Variants in GPNMB observed in about 807,000 individuals in gnomAD.
GPNMB encodes transmembrane glycoprotein NMB.
A neutral mutation model predicts 57.3 loss-of-function variants in GPNMB; 71 were observed. The observed-to-expected ratio is 1.24, with a 90% CI of 1.02 to 1.51. The LOEUF (loss-of-function observed/expected upper bound fraction) is 1.51. Among genes scored for constraint, GPNMB ranks in the 40% most tolerant of loss-of-function variants. The probability of loss-of-function intolerance (pLI) is 0.00; values close to 1 mark genes in which losing one functional copy is unlikely to be tolerated. For missense variants in GPNMB, 677 were observed against 691.9 expected, an observed-to-expected ratio of 0.98 and a Z score of 0.24; for synonymous variants, 253 against 263.2, an observed-to-expected ratio of 0.96 and a Z score of 0.38.
chr7:23,260,444 T>C lies in GPNMB; in HGVS notation c.701-12T>C. 2.5e-6 allele frequency: 4 copies of C among 1,588,958 alleles called. No homozygotes were observed. Among genetic ancestry groups the C allele is most frequent in the Non-Finnish European group, 2.6e-6 (3 of 1,162,566 alleles). ...ATGCATTCTTTATTTCTTTGGGGGA[T>C]GTATCTTTTAGATCAGATTCCTGTG... On this transcript the variant is annotated splice_polypyrimidine_tract_variant and intron_variant, in intron 5 of 10. Coordinates refer to ENST00000258733, the MANE Select transcript of GPNMB (RefSeq NM_002510.3).
intron 1 of GPNMB, 60 bp downstream of exon 1, chr7:23,246,987 C>CTAA: frequency 8.4e-7 from 1 of 1,184,482 alleles, no homozygotes; most frequent in Admixed American, 1.7e-5. Flanking sequence ...GAAATGATGG[C>CTAA]TAATAATATC....
Position 23,266,955 on chromosome 7 carries a change from G to A in GPNMB, c.1117+340G>A, listed in dbSNP as rs1435778741. Among the ~76,000 whole-genome samples, 4 of 152,208 alleles carry A rather than the reference G, an allele frequency of 2.6e-5. No homozygotes were observed. In the East Asian group the frequency reaches 7.7e-4, roughly 29 times the overall value. Reference sequence around the variant, plus strand: ...GCATCGAGTTCCTACAACTTCCACTGTCTTCCCCTAGTTAATTTTCACAAA... The same window carrying A: ...GCATCGAGTTCCTACAACTTCCACTATCTTCCCCTAGTTAATTTTCACAAA... On this transcript the variant is annotated intron_variant, in intron 7 of 10. Transcript: ENST00000258733.
rs1177347830 is a variant in GPNMB, at chr7:23,246,865, GTC to G, written c.12_13del (p.Tyr5LeufsTer15). ...CGTCCGTGAGAATTCAGCATGGAATGTCTCTACTATTTCCTGGGATTTCTGCT... is the reference window on the plus strand; with the variant it reads ...CGTCCGTGAGAATTCAGCATGGAATGTCTACTATTTCCTGGGATTTCTGCT... On this transcript the variant is annotated frameshift_variant, in exon 1 of 11. Transcript: ENST00000258733. LOFTEE classifies it high-confidence loss of function. 1 of 1,613,510 alleles carries G rather than the reference GTC, an allele frequency of 6.2e-7. No homozygotes were observed. Among genetic ancestry groups the G allele is most frequent in the Non-Finnish European group, 8.5e-7 (1 of 1,179,440 alleles).
intron 6 of GPNMB, among the ~76,000 whole-genome samples, chr7:23,263,536 T>G (rs1353075047): frequency 6.9e-6 from 1 of 145,862 alleles, no homozygotes; most frequent in Non-Finnish European, 1.5e-5. Context: ...CGCTTGAACC[T>G]GGGAGGTGGA....
intron 6 of GPNMB, among the ~76,000 whole-genome samples, chr7:23,265,378 G>A (rs890571970): frequency 2.6e-5 from 4 of 152,176 alleles, no homozygotes; most frequent in African/African-American, 9.7e-5. Flanking sequence ...AAAGAAGATT[G>A]TATTTTCAGT....
chr7:23,266,404 T>C, intron 6 of GPNMB, 113 bp from the exon 7 acceptor site: 4 of 996,346 alleles, frequency 4.0e-6, no homozygotes, highest in Non-Finnish European at 6.1e-6. Flanking sequence ...AGTATAGTGT[T>C]CCTGATATTT....
intron 1 of GPNMB, chr7:23,247,214 T>C (rs934213245): frequency 9.3e-6 from 4 of 428,822 alleles, no homozygotes; most frequent in African/African-American, 6.1e-5. Flanking sequence ...CAGACAGTGG[T>C]TGGGGGAGGG....
intron 6 of GPNMB, among the ~76,000 whole-genome samples, chr7:23,264,009 A>G (rs1782995489): frequency 6.6e-6 from 1 of 151,732 alleles, no homozygotes; most frequent in Non-Finnish European, 1.5e-5. Context: ...CTGAGGGCAG[A>G]TGCATGTGTG....
chr7:23,263,170 T>G (rs953750192), intron 6 of GPNMB, among the ~76,000 whole-genome samples: 2 of 152,224 alleles, frequency 1.3e-5, no homozygotes, highest in Admixed American at 6.5e-5. Context: ...TGTTTAATGT[T>G]AGTCTACTTT....
At position 23,252,538 on chromosome 7, in the gene GPNMB, G is replaced by C. The variant is rs1005693911; in HGVS notation, c.71-769G>C. Among the ~76,000 whole-genome samples the C allele has an allele frequency of 3.9e-5, 6 of 152,262 alleles. No homozygotes were observed. In the East Asian group the frequency reaches 1.2e-3, roughly 29 times the overall value. ...AGAGCATCAATTCTTATTGAGAAAA[G>C]GGTCAGTTCATCAAGAAGCTGTAAC... On this transcript the variant is annotated intron_variant, in intron 1 of 10. Transcript: ENST00000258733.
In GPNMB at chr7:23,257,077, C is replaced by G; in HGVS notation, c.541+12C>G. ...CTTCCACACACTTGGTTGGCTTTTA[C>G]AAACCCCTAAGCTTCTTCTTTACCT... On this transcript the variant is annotated intron_variant, in intron 4 of 10. Coordinates refer to ENST00000258733, the MANE Select transcript of GPNMB (RefSeq NM_002510.3). 1 of 1,608,978 alleles carries G rather than the reference C, an allele frequency of 6.2e-7. No individual in the cohort carries two copies. Among genetic ancestry groups the G allele is most frequent in the Non-Finnish European group, 8.5e-7 (1 of 1,175,236 alleles).
intron 3 of GPNMB, 77 bp downstream of exon 3, chr7:23,254,389 G>T: frequency 8.5e-7 from 1 of 1,179,546 alleles, no homozygotes. Context: ...TTCTGTAAGT[G>T]CCAGATGCTG....
intron 1 of GPNMB, 184 bp downstream of exon 1, chr7:23,247,111 T>G (rs955900243): frequency 6.6e-6 from 4 of 608,692 alleles, no homozygotes; most frequent in Non-Finnish European, 1.2e-5. Context: ...TGCCTCCAGC[T>G]CCATTCTTTG....
chr7:23,255,902 C>CT (rs112815710), intron 3 of GPNMB, among the ~76,000 whole-genome samples: 5,042 of 149,310 alleles, frequency 0.034, 233 homozygotes, highest in East Asian at 0.12. Flanking sequence ...AAATCTTTCT[C>CT]TTTTTTTTTT....
chr7:23,273,285 T>C, intron 9 of GPNMB: 1 of 474,588 alleles, frequency 2.1e-6, no homozygotes, highest in Middle Eastern at 5.6e-4. Context: ...CTCCAGGACG[T>C]GACATCTCTC....
intron 9 of GPNMB, 51 bp downstream of exon 9, chr7:23,270,226 T>C: frequency 7.9e-7 from 1 of 1,260,692 alleles, no homozygotes; most frequent in Non-Finnish European, 1.2e-6. Flanking sequence ...AAGTAAAGTG[T>C]GTATCCCATA....
chr7:23,272,093 A>G (rs1188978563), intron 9 of GPNMB, among the ~76,000 whole-genome samples: 1 of 152,184 alleles, frequency 6.6e-6, no homozygotes, highest in Non-Finnish European at 1.5e-5. Flanking sequence ...CCAAGTGGCC[A>G]TGGACTCGGA....
chr7:23,273,349 A>G (rs555247986), intron 9 of GPNMB, 172 bp from the exon 10 acceptor site: 1 of 582,736 alleles, frequency 1.7e-6, no homozygotes, highest in Admixed American at 3.2e-5. Context: ...TCTAAATAGA[A>G]GATAAGCTGA....
intron 3 of GPNMB, 36 bp downstream of exon 3, chr7:23,254,348 C>T: frequency 1.3e-6 from 2 of 1,570,718 alleles, no homozygotes; most frequent in Non-Finnish European, 1.7e-6. Context: ...TACTGGAGAC[C>T]CAGTTTCTAA....
Sources: gnomAD v4.1 joint callset for allele counts (sites outside exome capture counted in the v4.1 genomes callset) on GRCh38, gnomAD v4.1.1 for gene constraint, MANE v1.5 for transcripts, NCBI Gene and HGNC (gene_info 2026-07-23, HGNC 2026-07-21) for gene names.